The following ACSM1 variants were observed in gnomAD, a reference collection of about 807,000 sequenced individuals.
ACSM1 encodes acyl-coenzyme A synthetase ACSM1, mitochondrial.
In ACSM1, 79 loss-of-function variants were observed where a neutral mutation model predicts 75.8. The observed-to-expected ratio is 1.04, with a 90% CI of 0.87 to 1.26. The LOEUF (loss-of-function observed/expected upper bound fraction) is 1.26. Among genes scored for constraint, ACSM1 ranks in the 50% most tolerant of loss-of-function variants. The pLI is 0.00. For synonymous variants in ACSM1, 279 were observed against 265.8 expected (o/e 1.05, Z -0.48); for missense variants, 676 against 720.1 (o/e 0.94, Z 0.70).
chr16:20,634,717 T>G (rs1481681354), intron 10 of ACSM1, among the ~76,000 whole-genome samples: 1 of 152,178 alleles, frequency 6.6e-6, no homozygotes, highest in African/African-American at 2.4e-5. Flanking sequence ...ATGTTGCTTA[T>G]TAGTAGAATT....
chr16:20,649,533 T>C (rs1479500773), intron 7 of ACSM1, among the ~76,000 whole-genome samples: 1 of 152,154 alleles, frequency 6.6e-6, no homozygotes, highest in African/African-American at 2.4e-5. Context: ...GTAAGAAGCA[T>C]TTTACAACCT....
At chr16:20,678,674 G>T (rs2079368215) in intron 4 of ACSM1, among the ~76,000 whole-genome samples, 1 of 152,224 alleles carries the variant, frequency 6.6e-6, no homozygotes, top group Non-Finnish European at 1.5e-5. Flanking sequence ...AACATTTGTG[G>T]CTGAAATAGT....
intron 10 of ACSM1, 130 bp from the exon 11 acceptor site, chr16:20,627,446 TC>T: frequency 9.4e-7 from 1 of 1,068,152 alleles, no homozygotes; most frequent in Non-Finnish European, 1.3e-6. Flanking sequence ...TTTTGCCATT[TC>T]TGAGTCTATT....
chr16:20,646,074 A>T (rs2018342779), intron 7 of ACSM1, among the ~76,000 whole-genome samples: 1 of 152,170 alleles, frequency 6.6e-6, no homozygotes, highest in East Asian at 1.9e-4. Flanking sequence ...TCAGTTTTTT[A>T]TAATAGAGAT....
At chr16:20,692,353 G>T (rs1364162747) in intron 1 of ACSM1, among the ~76,000 whole-genome samples, 2 of 152,158 alleles carry the variant, frequency 1.3e-5, no homozygotes, top group African/African-American at 2.4e-5. Flanking sequence ...GGTTCAGAAA[G>T]GTGGGAAAAC....
intron 7 of ACSM1, among the ~76,000 whole-genome samples, chr16:20,659,377 G>C (rs1406403605): frequency 6.6e-6 from 1 of 152,160 alleles, no homozygotes; most frequent in South Asian, 2.1e-4. Context: ...TCTATGGAAT[G>C]CTTTTTGGCC....
At chr16:20,677,248 A>T (rs1308582492) in intron 4 of ACSM1, among the ~76,000 whole-genome samples, 1 of 150,462 alleles carries the variant, frequency 6.6e-6, no homozygotes, top group East Asian at 2.0e-4. Context: ...AAAAGCCTTG[A>T]CTCAGGCCCC....
rs1169873892 is a variant in ACSM1 at position 20,637,450 on chromosome 16, C to A, written c.1118G>T (p.Gly373Val). 3.7e-6 allele frequency: 6 copies of A among 1,613,558 alleles called. No individual in the cohort carries two copies. The highest frequency in any genetic ancestry group is 8.5e-7 in the Non-Finnish European group (1 of 1,179,914). The part of the protein sequence containing the change: ...LYENYGQSET[G>V]LICATYWGMK... Reference sequence around the variant, plus strand: ...TCCCCAGTAGGTGGCACAAATTAGTCCCTGTTCACAAAAGAAAGAAGATTT... The same window carrying A: ...TCCCCAGTAGGTGGCACAAATTAGTACCTGTTCACAAAAGAAAGAAGATTT... The change falls in exon 9 of 14, where the codon GGA becomes GTA. Residue 373 changes from glycine to valine, a missense_variant and splice_region_variant. Transcript: ENST00000520010.
Position 20,670,139 on chromosome 16 carries a change from AG to A in ACSM1, c.753-154del, listed in dbSNP as rs2019815337. The A allele has an allele frequency of 2.4e-5, 17 of 695,500 alleles. No individual in the cohort carries two copies. The South Asian group carries it at 3.0e-4, about 12-fold the overall frequency. The allele number at this position is 695,500 out of a possible 1,614,324, so 43.1% of individuals were successfully genotyped here. On this transcript the variant is annotated intron_variant, in intron 5 of 13. Transcript: ENST00000520010. Reference sequence around the variant, plus strand: ...ATACCACCCTCAGGCCAGGTCTCAAAGGTGTACTGCCAAATATTTCCCAATT... The same window carrying A: ...ATACCACCCTCAGGCCAGGTCTCAAAGTGTACTGCCAAATATTTCCCAATT...
At chr16:20,686,236 T>C (rs934566942) in intron 2 of ACSM1, among the ~76,000 whole-genome samples, 1 of 152,136 alleles carries the variant, frequency 6.6e-6, no homozygotes, top group African/African-American at 2.4e-5. Context: ...AAGTTACTCT[T>C]AGAGGTGAGG....
At chr16:20,683,175 T>C (rs2079481209) in intron 3 of ACSM1, among the ~76,000 whole-genome samples, 1 of 152,086 alleles carries the variant, frequency 6.6e-6, no homozygotes, top group Non-Finnish European at 1.5e-5. Flanking sequence ...TGGAGTGCAG[T>C]GGTGTGATCT....
At chr16:20,626,343 A>G (rs1340077257) in intron 11 of ACSM1, among the ~76,000 whole-genome samples, 4 of 151,746 alleles carry the variant, frequency 2.6e-5, no homozygotes, top group Non-Finnish European at 4.4e-5. Context: ...GTCTCAGAAA[A>G]ATAAAATAAA....
intron 4 of ACSM1, chr16:20,679,093 C>G (rs1332951834): frequency 6.6e-6 from 1 of 152,194 alleles, no homozygotes; most frequent in African/African-American, 2.4e-5. Flanking sequence ...GGAATCCAAC[C>G]ACTCTAGGAC....
chr16:20,636,730 G>A lies in ACSM1; in HGVS notation c.1299+9C>T, dbSNP rs2017734659. On this transcript the variant is annotated intron_variant, in intron 10 of 13. Coordinates refer to ENST00000520010, the MANE Select transcript of ACSM1 (RefSeq NM_001318890.3). ...GGGGCCAGGATGGGGGCAGATGGGG[G>A]GTCATTACCTCATAGCACATGAAGA... 1 of 1,608,474 alleles carries A rather than the reference G, an allele frequency of 6.2e-7. No individual in the cohort carries two copies. Among genetic ancestry groups the A allele is most frequent in the East Asian group, 2.2e-5 (1 of 44,840 alleles).
At chr16:20,649,448 T>C (rs1315716435) in intron 7 of ACSM1, among the ~76,000 whole-genome samples, 1 of 152,170 alleles carries the variant, frequency 6.6e-6, no homozygotes, top group Non-Finnish European at 1.5e-5. Flanking sequence ...GAATCCCCTT[T>C]CCCATTTGTT....
chr16:20,631,290 A>G (rs547199328), intron 10 of ACSM1, among the ~76,000 whole-genome samples: 1 of 152,286 alleles, frequency 6.6e-6, no homozygotes, highest in African/African-American at 2.4e-5. Context: ...AATATCACTA[A>G]TCATCAAGGA....
At chr16:20,690,018 G>A (rs957434557) in intron 2 of ACSM1, among the ~76,000 whole-genome samples, 1 of 152,320 alleles carries the variant, frequency 6.6e-6, no homozygotes, top group African/African-American at 2.4e-5. Context: ...TAAATGCAAG[G>A]TGATTGCCAA....
chr16:20,680,944 T>C (rs1350994666), intron 4 of ACSM1: 1 of 152,210 alleles, frequency 6.6e-6, no homozygotes, highest in Non-Finnish European at 1.5e-5. Flanking sequence ...GGGGAACTCT[T>C]ATGGTATCCA....
Position 20,648,300 on chromosome 16 carries a change from C to T in ACSM1, c.993-7716G>A, listed in dbSNP as rs1185799717. Reference sequence around the variant, plus strand: ...GCTAGCTAATATTCTTCTTTTCTCTCTCTCTTAACCTTTCTTGCCACTCAA... The same window carrying T: ...GCTAGCTAATATTCTTCTTTTCTCTTTCTCTTAACCTTTCTTGCCACTCAA... On this transcript the variant is annotated intron_variant, in intron 7 of 13. Transcript: ENST00000520010. This position sits in a 1 kb window ranked among gnomAD's most constrained non-coding sequence, Gnocchi z 4.2. Among the ~76,000 whole-genome samples, 1 of 152,222 alleles carries T rather than the reference C, an allele frequency of 6.6e-6. No individual in the cohort carries two copies. The highest frequency in any genetic ancestry group is 1.5e-5 in the Non-Finnish European group (1 of 68,036).
Sources: allele counts gnomAD v4.1 joint callset (sites outside exome capture counted in the v4.1 genomes callset), GRCh38; gene constraint gnomAD v4.1.1; non-coding constraint Gnocchi (gnomAD v3.1); transcripts MANE v1.5; gene names NCBI Gene and HGNC (gene_info 2026-07-23, HGNC 2026-07-21).